The following SORL1-AS1 variants were observed in gnomAD, a reference collection of about 807,000 sequenced individuals.
The protein encoded by SORL1-AS1 is SORL1 antisense RNA 1, also known as lncRNA 51 A.
At position 121,452,563 on chromosome 11, in the gene SORL1-AS1, C is replaced by A; in HGVS notation, n.339+112G>T. The A allele has an allele frequency of 6.6e-7, 1 of 1,513,846 alleles. No individual in the cohort carries two copies. 93.8% of individuals were successfully genotyped at this position (1,513,846 alleles called of 1,614,324 possible). ...GAGCCGCGCGGACGAGAAGCCGCTC[C>A]GGAGGAAACGGAGCGCTGCCCTGCA... On this transcript the variant is annotated intron_variant and non_coding_transcript_variant, in intron 1 of 1. Transcript: ENST00000501964. The surrounding 1 kb of genome is among the most constrained non-coding windows in gnomAD (Gnocchi z 5.3).
At chr11:121,444,095 G>GGT (rs67118053), downstream of SORL1-AS1, among the ~76,000 whole-genome samples, 1,668 of 151,080 alleles carry the variant, frequency 0.011, 30 homozygotes, top group African/African-American at 0.035. Context: ...TGTGCGCGTG[G>GGT]GTGTGTGTGT....
downstream of SORL1-AS1, among the ~76,000 whole-genome samples, chr11:121,442,966 C>T (rs1860678860): frequency 6.6e-6 from 1 of 150,894 alleles, no homozygotes; most frequent in Admixed American, 6.6e-5. Context: ...GCGTGAGTCA[C>T]CGCGCCCAGC....
the SORL1-AS1 span, among the ~76,000 whole-genome samples, chr11:121,438,471 A>G: frequency 6.6e-6 from 1 of 152,098 alleles, no homozygotes. Flanking sequence ...CTCACAGGCA[A>G]TGACTATTCT....
At chr11:121,451,056 AATTGAACTGACCATC>A (rs1415180362) in intron 1 of SORL1-AS1, among the ~76,000 whole-genome samples, 3 of 152,082 alleles carry the variant, frequency 2.0e-5, no homozygotes, top group African/African-American at 7.2e-5. Flanking sequence ...GTTTTTAGAA[AATTGAACTGACCATC>A]CCTTCCTTCC....
the SORL1-AS1 span, among the ~76,000 whole-genome samples, chr11:121,438,546 G>T: frequency 1.4e-4 from 21 of 151,878 alleles, no homozygotes; most frequent in South Asian, 3.3e-3. Flanking sequence ...GTCGTTCATT[G>T]TGTGTACTCT....
rs1343198579 is a variant in SORL1-AS1, at chr11:121,452,872, G to C, written n.142C>G. The C allele has an allele frequency of 2.5e-6, 1 of 405,036 alleles. No individual in the cohort carries two copies. The highest frequency in any genetic ancestry group is 2.1e-5 in the African/African-American group (1 of 48,432). 25.1% of individuals were successfully genotyped at this position (405,036 alleles called of 1,614,324 possible). ...TGCGTATTACCCCAGGGTGTGTGCA[G>C]AGAGATGTAGTTTCCGGCAGGTATA... On this transcript the variant is annotated non_coding_transcript_exon_variant, in exon 1 of 2. Coordinates refer to ENST00000501964, the Ensembl canonical transcript of SORL1-AS1. This position sits in a 1 kb window ranked among gnomAD's most constrained non-coding sequence, Gnocchi z 5.3.
chr11:121,439,801 C>T, the SORL1-AS1 span, among the ~76,000 whole-genome samples: 5 of 152,306 alleles, frequency 3.3e-5, no homozygotes, highest in Middle Eastern at 3.4e-3. Context: ...TTAAATATCT[C>T]ATTTCTTCAA....
chr11:121,438,266 T>C, the SORL1-AS1 span, among the ~76,000 whole-genome samples: 13 of 152,228 alleles, frequency 8.5e-5, no homozygotes, highest in Non-Finnish European at 1.9e-4. Context: ...CAAAGCATAA[T>C]ACTGGAAGAA....
the SORL1-AS1 span, among the ~76,000 whole-genome samples, chr11:121,438,519 G>T: frequency 1.3e-5 from 2 of 152,150 alleles, no homozygotes; most frequent in East Asian, 3.9e-4. Flanking sequence ...CCTGTTGCTA[G>T]ACTTCACATA....
At chr11:121,441,282 G>A in the SORL1-AS1 span, among the ~76,000 whole-genome samples, 1 of 151,972 alleles carries the variant, frequency 6.6e-6, no homozygotes, top group East Asian at 1.9e-4. Flanking sequence ...CCAGCACTTT[G>A]GGAGGCCGAG....
downstream of SORL1-AS1, among the ~76,000 whole-genome samples, chr11:121,444,308 A>G (rs1203499012): frequency 6.6e-6 from 1 of 152,244 alleles, no homozygotes; most frequent in Non-Finnish European, 1.5e-5. Context: ...AATAATAGGC[A>G]TCATTAGCTA....
At position 121,452,211 on chromosome 11, in the gene SORL1-AS1, G is replaced by T; in HGVS notation, n.339+464C>A. On this transcript the variant is annotated intron_variant and non_coding_transcript_variant, in intron 1 of 1. Coordinates refer to ENST00000501964, the Ensembl canonical transcript of SORL1-AS1. The surrounding 1 kb of genome is among the most constrained non-coding windows in gnomAD (Gnocchi z 5.3). ...CGGGCGCAGCGGGGCGGCCCGGAGC[G>T]GCGCGGGCGGCCTGGAGCCCCGGGA... 1 of 604,876 alleles carries T rather than the reference G, an allele frequency of 1.7e-6. No homozygotes were observed. Among genetic ancestry groups the T allele is most frequent in the Admixed American group, 5.7e-5 (1 of 17,666 alleles). The allele number at this position is 604,876 out of a possible 1,614,324, so 37.5% of individuals were successfully genotyped here.
At chr11:121,451,277 A>C (rs1433231122) in intron 1 of SORL1-AS1, among the ~76,000 whole-genome samples, 1 of 152,198 alleles carries the variant, frequency 6.6e-6, no homozygotes, top group Non-Finnish European at 1.5e-5. Flanking sequence ...CCTTGGGCGT[A>C]CCTTAGCAGT....
rs761884142 is a variant in SORL1-AS1 at position 121,452,581 on chromosome 11, G to T, written n.339+94C>A. 3 of 1,522,056 alleles carry T rather than the reference G, an allele frequency of 2.0e-6. No homozygotes were observed. The highest frequency in any genetic ancestry group is 2.6e-5 in the East Asian group (1 of 37,954). 94.3% of individuals were successfully genotyped at this position (1,522,056 alleles called of 1,614,324 possible). Reference sequence around the variant, plus strand: ...GCCGCTCCGGAGGAAACGGAGCGCTGCCCTGCAGCCCGAGCCCATCAAGGT... The same window carrying T: ...GCCGCTCCGGAGGAAACGGAGCGCTTCCCTGCAGCCCGAGCCCATCAAGGT... On this transcript the variant is annotated intron_variant and non_coding_transcript_variant, in intron 1 of 1. Transcript: ENST00000501964. This position sits in a 1 kb window ranked among gnomAD's most constrained non-coding sequence, Gnocchi z 5.3.
chr11:121,442,235 C>G, the SORL1-AS1 span, among the ~76,000 whole-genome samples: 1 of 152,198 alleles, frequency 6.6e-6, no homozygotes, highest in East Asian at 1.9e-4. Flanking sequence ...ATGTGCTTTA[C>G]TAGATGCAGA....
chr11:121,452,585 T>G lies in SORL1-AS1; in HGVS notation n.339+90A>C. On this transcript the variant is annotated intron_variant and non_coding_transcript_variant, in intron 1 of 1. Transcript: ENST00000501964. The surrounding 1 kb of genome is among the most constrained non-coding windows in gnomAD (Gnocchi z 5.3). ...CTCCGGAGGAAACGGAGCGCTGCCC[T>G]GCAGCCCGAGCCCATCAAGGTGTAC... is the stretch of plus-strand genomic sequence containing the variant. The G allele has an allele frequency of 6.6e-7, 1 of 1,523,056 alleles. No homozygotes were observed. The allele number at this position is 1,523,056 out of a possible 1,614,324, so 94.3% of individuals were successfully genotyped here. A position where few individuals can be genotyped will look rare whatever the true frequency, so the allele number is the denominator to read the frequency against.
the SORL1-AS1 span, among the ~76,000 whole-genome samples, chr11:121,441,530 C>CAAAAAAAAA: frequency 0.087 from 4,527 of 52,030 alleles, 403 homozygotes; most frequent in African/African-American, 0.17. Flanking sequence ...GACTCTGTCT[C>CAAAAAAAAA]AAAAAAAAAA....
chr11:121,438,467 G>A, the SORL1-AS1 span, among the ~76,000 whole-genome samples: 30 of 151,994 alleles, frequency 2.0e-4, no homozygotes, highest in African/African-American at 6.8e-4. Context: ...CATTCTCACA[G>A]GCAATGACTA....
At chr11:121,448,338 A>G (rs1860749333) in exon 2 of SORL1-AS1, 1 of 152,230 alleles carries the variant, frequency 6.6e-6, no homozygotes, top group African/African-American at 2.4e-5. Flanking sequence ...ACGCTTTCCT[A>G]ACTGAAGTAG....
Sources: gnomAD v4.1 joint callset for allele counts (sites outside exome capture counted in the v4.1 genomes callset) on GRCh38, gnomAD v4.1.1 for gene constraint, Gnocchi (gnomAD v3.1) non-coding constraint, MANE v1.5 for transcripts, NCBI Gene and HGNC (gene_info 2026-07-23, HGNC 2026-07-21) for gene names.